The following TBC1D14 variants were observed in gnomAD, a reference collection of about 807,000 sequenced individuals.
The protein encoded by TBC1D14 is TBC1 domain family, member 14.
A neutral mutation model predicts 79.0 loss-of-function variants in TBC1D14; 26 were observed. The ratio of observed to expected loss-of-function variants is 0.33; its 90% CI spans 0.24 to 0.46. The LOEUF (loss-of-function observed/expected upper bound fraction) is 0.46, where lower values mean the gene tolerates loss of function less well. TBC1D14 is among the 20% of genes least tolerant of loss of function. TBC1D14 has a pLI of 1.00. For synonymous variants in TBC1D14, 394 were observed against 349.9 expected (o/e 1.13, Z -1.40); for missense variants, 769 against 887.6 (o/e 0.87, Z 1.70).
At chr4:7,029,358 G>A (rs1381343317) in intron 13 of TBC1D14, among the ~76,000 whole-genome samples, 1 of 152,264 alleles carries the variant, frequency 6.6e-6, no homozygotes, top group Non-Finnish European at 1.5e-5. Context: ...CTTGGACTTT[G>A]AGCACGTCAC....
intron 11 of TBC1D14, among the ~76,000 whole-genome samples, chr4:7,013,313 T>C (rs1720954123): frequency 6.6e-6 from 1 of 152,224 alleles, no homozygotes; most frequent in Non-Finnish European, 1.5e-5. Context: ...CATTGACCAG[T>C]GTTGCCTTAG....
At chr4:6,922,534 T>C (rs1262679096) in intron 1 of TBC1D14, among the ~76,000 whole-genome samples, 6 of 152,158 alleles carry the variant, frequency 3.9e-5, no homozygotes, top group East Asian at 1.9e-4. Flanking sequence ...CCCAGCCTCG[T>C]AGATGTGAGT....
intron 3 of TBC1D14, among the ~76,000 whole-genome samples, chr4:6,987,894 T>G (rs7689324): frequency 0.03 from 4,530 of 152,306 alleles, 232 homozygotes; most frequent in African/African-American, 0.1. Context: ...GGAATATGAC[T>G]ATTAGAAAAG....
intron 1 of TBC1D14, among the ~76,000 whole-genome samples, chr4:6,918,510 T>C (rs1723581980): frequency 6.6e-6 from 1 of 152,202 alleles, no homozygotes; most frequent in Admixed American, 6.5e-5. Flanking sequence ...CAGCAGACCT[T>C]CTCATTTCTT....
At chr4:7,005,045 C>A in intron 8 of TBC1D14, 121 bp downstream of exon 8, 2 of 918,920 alleles carry the variant, frequency 2.2e-6, no homozygotes, top group South Asian at 3.3e-5. Flanking sequence ...ATAAAAAGCT[C>A]CACGAGAAAA....
At position 7,030,544 on chromosome 4, in the gene TBC1D14, A is replaced by G. The variant is rs984860658; in HGVS notation, c.*152A>G. 2 of 720,910 alleles carry G rather than the reference A, an allele frequency of 2.8e-6. No homozygotes were observed. Among genetic ancestry groups the G allele is most frequent in the African/African-American group, 3.6e-5 (2 of 56,056 alleles). 44.7% of individuals were successfully genotyped at this position (720,910 alleles called of 1,614,324 possible). On this transcript the variant is annotated 3_prime_UTR_variant, in exon 14 of 14. Transcript: ENST00000409757. ...AGTTGGCCTTAAACAAAACAAACAC[A>G]AAAACTTTTAAAGAATTAAACCAAG...
chr4:6,996,089 G>A (rs1331694908), intron 4 of TBC1D14, among the ~76,000 whole-genome samples: 2 of 152,136 alleles, frequency 1.3e-5, no homozygotes, highest in African/African-American at 4.8e-5. Context: ...GCCTGCCTCG[G>A]CCTCCCAAAG....
At chr4:6,978,653 T>A (rs545441084) in intron 3 of TBC1D14, among the ~76,000 whole-genome samples, 2 of 148,404 alleles carry the variant, frequency 1.3e-5, no homozygotes, top group African/African-American at 2.6e-5. Flanking sequence ...CTTTGTTCAC[T>A]TGTTTATCTG....
chr4:7,005,174 T>C (rs1267948288), intron 8 of TBC1D14, among the ~76,000 whole-genome samples: 2 of 151,948 alleles, frequency 1.3e-5, no homozygotes, highest in African/African-American at 2.4e-5. Flanking sequence ...CTGAGGTAGA[T>C]GGATCACCTG....
At chr4:6,912,258 G>A (rs1723056173) in intron 1 of TBC1D14, among the ~76,000 whole-genome samples, 1 of 151,704 alleles carries the variant, frequency 6.6e-6, no homozygotes, top group East Asian at 1.9e-4. Context: ...TTGTGGTGGT[G>A]CGTGCCAGCT....
chr4:6,946,604 A>G (rs1479900161), intron 2 of TBC1D14, among the ~76,000 whole-genome samples: 1 of 152,178 alleles, frequency 6.6e-6, no homozygotes, highest in Non-Finnish European at 1.5e-5. Context: ...TACAGGCGTG[A>G]ACCACCACAT....
At chr4:7,013,869 G>A (rs535061001) in intron 11 of TBC1D14, among the ~76,000 whole-genome samples, 9 of 151,854 alleles carry the variant, frequency 5.9e-5, no homozygotes, top group Admixed American at 1.3e-4. Context: ...TCAGCCTCCC[G>A]AGTAGCTGGG....
intron 2 of TBC1D14, among the ~76,000 whole-genome samples, chr4:6,953,387 C>T (rs572657635): frequency 7.5e-5 from 10 of 132,578 alleles, no homozygotes; most frequent in East Asian, 4.8e-4. Flanking sequence ...TTTGGGAGGC[C>T]GAGGCGGGCG....
Position 7,006,663 on chromosome 4 carries a change from C to A in TBC1D14, c.1383C>A (p.Ala461=). The change falls in exon 9 of 14, where the codon GCC becomes GCA. Residue 461 remains alanine, a synonymous_variant. Transcript: ENST00000409757. ...GTTTTTCAGCAGCAGACAGAGAAGC[C>A]AGTCTGGAGCTTATTAAACTGGACA... The part of the protein sequence containing the change: ...DAGFSAADRE[A]SLELIKLDIS... 6.2e-7 allele frequency: 1 copy of A among 1,613,862 alleles called. No homozygotes were observed.
At chr4:6,931,689 A>G (rs1021035360) in intron 2 of TBC1D14, among the ~76,000 whole-genome samples, 4 of 152,152 alleles carry the variant, frequency 2.6e-5, no homozygotes, top group Admixed American at 1.3e-4. Context: ...GCAGCAAATC[A>G]CAACCATAAT....
At chr4:7,028,758 C>T (rs1435284981) in intron 13 of TBC1D14, among the ~76,000 whole-genome samples, 1 of 152,012 alleles carries the variant, frequency 6.6e-6, no homozygotes, top group Non-Finnish European at 1.5e-5. Flanking sequence ...GTTCAGGTCT[C>T]ATGGGACTTG....
intron 3 of TBC1D14, among the ~76,000 whole-genome samples, chr4:6,978,762 G>GAA (rs1717086015): frequency 1.4e-5 from 2 of 139,796 alleles, no homozygotes; most frequent in Admixed American, 7.1e-5. Flanking sequence ...AAAAAGAAAA[G>GAA]AAAATCAGGG....
intron 2 of TBC1D14, among the ~76,000 whole-genome samples, chr4:6,964,900 C>T (rs1715565623): frequency 6.6e-6 from 1 of 152,214 alleles, no homozygotes; most frequent in Non-Finnish European, 1.5e-5. Flanking sequence ...GATTTACCAA[C>T]TGTGTGCATT....
chr4:7,027,965 AT>A (rs1477098410), intron 13 of TBC1D14, among the ~76,000 whole-genome samples: 3 of 59,680 alleles, frequency 5.0e-5, no homozygotes, highest in African/African-American at 2.1e-4. Flanking sequence ...CCACACACAC[AT>A]TGCCCACCCC....
Sources: allele counts gnomAD v4.1 joint callset (sites outside exome capture counted in the v4.1 genomes callset), GRCh38; gene constraint gnomAD v4.1.1; transcripts MANE v1.5; gene names NCBI Gene and HGNC (gene_info 2026-07-23, HGNC 2026-07-21).